PPP2R2B: variants seen among roughly 807,000 people sequenced by gnomAD.
PPP2R2B encodes serine/threonine-protein phosphatase 2A 55 kDa regulatory subunit B beta isoform.
A neutral mutation model predicts 46.0 loss-of-function variants in PPP2R2B; 5 were observed. That is an observed-to-expected ratio of 0.11 (90% CI 0.06 to 0.23). The LOEUF is 0.23. Among genes scored for constraint, PPP2R2B ranks in the 10% least tolerant of loss-of-function variants. The pLI, the probability that PPP2R2B is intolerant of heterozygous loss-of-function variation, is 1.00. For synonymous variants in PPP2R2B, 215 were observed against 206.7 expected (o/e 1.04, Z -0.34); for missense variants, 367 against 575.0 (o/e 0.64, Z 3.70).
Position 146,598,693 on chromosome 5 carries a change from C to T in PPP2R2B, c.960+1598G>A, listed in dbSNP as rs1367452087. 2.6e-5 allele frequency among the ~76,000 whole-genome samples: 4 copies of T among 152,156 alleles called. No homozygotes were observed. In the East Asian group the frequency reaches 7.7e-4, roughly 29 times the overall value. Reference sequence around the variant, plus strand: ...TTTCTTTTCCTGTTATATCCCGCATCAAATTTGTCCTCAAGCCTTATTGCT... The same window carrying T: ...TTTCTTTTCCTGTTATATCCCGCATTAAATTTGTCCTCAAGCCTTATTGCT... On this transcript the variant is annotated intron_variant, in intron 8 of 9. Transcript: ENST00000394411.
intron 5 of PPP2R2B, among the ~76,000 whole-genome samples, chr5:146,674,104 C>T (rs1421578531): frequency 1.3e-5 from 2 of 152,202 alleles, no homozygotes; most frequent in African/African-American, 4.8e-5. Context: ...CTGTTCTGAG[C>T]ATTCCTGATT....
chr5:146,682,083 C>A (rs1778210104), intron 5 of PPP2R2B, among the ~76,000 whole-genome samples: 1 of 152,168 alleles, frequency 6.6e-6, no homozygotes, highest in African/African-American at 2.4e-5. Flanking sequence ...CGATCCTAAA[C>A]CAGGTATAGG....
chr5:146,712,361 T>C (rs960775967), intron 2 of PPP2R2B, among the ~76,000 whole-genome samples: 14 of 152,222 alleles, frequency 9.2e-5, no homozygotes, highest in African/African-American at 3.4e-4. Flanking sequence ...TGCAATACTG[T>C]ACACACAGTA....
At chr5:146,911,258 A>G (rs1763171933) in intron 1 of PPP2R2B, among the ~76,000 whole-genome samples, 1 of 151,968 alleles carries the variant, frequency 6.6e-6, no homozygotes, top group Non-Finnish European at 1.5e-5. Context: ...TAATTTTTGT[A>G]TTTTTAGTAG....
intron 2 of PPP2R2B, among the ~76,000 whole-genome samples, chr5:146,747,222 T>C (rs1753249286): frequency 6.6e-6 from 1 of 152,180 alleles, no homozygotes; most frequent in Admixed American, 6.5e-5. Flanking sequence ...TGTCTCCCAA[T>C]GGTAGGCAGT....
chr5:147,007,543 G>A (rs1754503187), intron 1 of PPP2R2B, among the ~76,000 whole-genome samples: 1 of 152,180 alleles, frequency 6.6e-6, no homozygotes, highest in South Asian at 2.1e-4. Context: ...ACCGGAGCCA[G>A]CAGTGGCAAA....
At chr5:146,975,818 T>G (rs1017008107) in intron 1 of PPP2R2B, among the ~76,000 whole-genome samples, 1 of 152,172 alleles carries the variant, frequency 6.6e-6, no homozygotes, top group Non-Finnish European at 1.5e-5. Context: ...CTTTGTTCAT[T>G]TTTTTAATTG....
intron 2 of PPP2R2B, among the ~76,000 whole-genome samples, chr5:146,757,424 A>G (rs1753901086): frequency 6.6e-6 from 1 of 152,184 alleles, no homozygotes; most frequent in Non-Finnish European, 1.5e-5. Context: ...CACAGTAGGA[A>G]CACAAAAATA....
In PPP2R2B at chr5:146,716,505, T is replaced by C. The variant is rs186819531; in HGVS notation, c.71-15363A>G. Among the ~76,000 whole-genome samples the C allele has an allele frequency of 3.3e-5, 5 of 152,300 alleles. No homozygotes were observed. In the East Asian group the frequency reaches 9.6e-4, roughly 29 times the overall value. On this transcript the variant is annotated intron_variant, in intron 2 of 9. Transcript: ENST00000394411. ...AACCTTTATTAGGAGATCTCGGACA[T>C]CTTTGAGGATCCAATAAAAGCTATA...
intron 1 of PPP2R2B, among the ~76,000 whole-genome samples, chr5:146,953,659 G>A (rs557503493): frequency 6.6e-6 from 1 of 152,300 alleles, no homozygotes; most frequent in South Asian, 2.1e-4. Flanking sequence ...AATGGCCAAT[G>A]TTTATGGAAT....
chr5:146,738,167 C>T (rs928995091), intron 2 of PPP2R2B, among the ~76,000 whole-genome samples: 2 of 151,756 alleles, frequency 1.3e-5, no homozygotes, highest in Admixed American at 6.6e-5. Flanking sequence ...GAGGCTGAGG[C>T]GGGCGGATCA....
Position 146,904,127 on chromosome 5 carries a change from C to G in PPP2R2B, c.79+151538G>C, listed in dbSNP as rs532971341. Among the ~76,000 whole-genome samples the G allele has an allele frequency of 1.2e-4, 18 of 152,264 alleles. No homozygotes were observed. In the South Asian group the frequency reaches 3.5e-3, roughly 30 times the overall value. ...AGAATGCAGACATCACTCTCTCTCT[C>G]ACTCCTATAGAACCAGAAAGACCAA... On this transcript the variant is annotated intron_variant, in intron 1 of 8. Coordinates refer to the PPP2R2B transcript ENST00000336640.
intron 2 of PPP2R2B, among the ~76,000 whole-genome samples, chr5:146,874,117 T>G: frequency 6.6e-6 from 1 of 152,262 alleles, no homozygotes; most frequent in Non-Finnish European, 1.5e-5. Flanking sequence ...TTCCACCTTA[T>G]GACCCCAAGG....
At chr5:146,824,135 A>G (rs545929471) in intron 2 of PPP2R2B, among the ~76,000 whole-genome samples, 9 of 152,330 alleles carry the variant, frequency 5.9e-5, no homozygotes, top group African/African-American at 1.9e-4. Flanking sequence ...TGAAATGTAT[A>G]TATGTAATTA....
At chr5:146,958,650 A>G (rs545310210) in intron 1 of PPP2R2B, among the ~76,000 whole-genome samples, 1 of 152,318 alleles carries the variant, frequency 6.6e-6, no homozygotes, top group South Asian at 2.1e-4. Flanking sequence ...AGGTTATGTA[A>G]CTTATCCTGA....
At chr5:146,728,138 C>CT (rs757396751) in intron 2 of PPP2R2B, among the ~76,000 whole-genome samples, 9,119 of 82,396 alleles carry the variant, frequency 0.11, 1,243 homozygotes, top group African/African-American at 0.22. Flanking sequence ...GAAACACTTA[C>CT]TTTTTTTTTT....
At chr5:146,651,745 G>A (rs1225412864) in intron 5 of PPP2R2B, among the ~76,000 whole-genome samples, 1 of 152,168 alleles carries the variant, frequency 6.6e-6, no homozygotes, top group Non-Finnish European at 1.5e-5. Flanking sequence ...TCTTGCAACT[G>A]AGCCCCGACT....
At chr5:146,628,467 G>A (rs535169430) in intron 7 of PPP2R2B, among the ~76,000 whole-genome samples, 1 of 152,206 alleles carries the variant, frequency 6.6e-6, no homozygotes, top group Non-Finnish European at 1.5e-5. Flanking sequence ...GCAAGGATTG[G>A]TGCTGCAGGG....
At chr5:146,769,383 T>C (rs74819889) in intron 2 of PPP2R2B, among the ~76,000 whole-genome samples, 4,075 of 152,336 alleles carry the variant, frequency 0.027, 86 homozygotes, top group Non-Finnish European at 0.039. Flanking sequence ...TTCAGGTGAT[T>C]CTGATACAGG....
Sources: allele counts gnomAD v4.1 joint callset (sites outside exome capture counted in the v4.1 genomes callset), GRCh38; gene constraint gnomAD v4.1.1; transcripts MANE v1.5; gene names NCBI Gene and HGNC (gene_info 2026-07-23, HGNC 2026-07-21).